Variants in ANXA8 observed in about 807,000 individuals in gnomAD.
ANXA8 encodes VAC-beta.
A neutral mutation model predicts 26.8 loss-of-function variants in ANXA8; 9 were observed. The observed-to-expected ratio is 0.34, with a 90% CI of 0.20 to 0.59. The LOEUF (loss-of-function observed/expected upper bound fraction) is 0.59. ANXA8 is among the 20% of genes least tolerant of loss of function. ANXA8 has a pLI of 0.84. For synonymous variants in ANXA8, 39 were observed against 94.8 expected (o/e 0.41, Z 3.42); for missense variants, 83 against 238.5 (o/e 0.35, Z 4.29).
the ANXA8 span, among the ~76,000 whole-genome samples, chr10:47,533,218 CA>C: frequency 5.3e-5 from 6 of 112,246 alleles, no homozygotes; most frequent in African/African-American, 1.9e-4. Context: ...CACACACACA[CA>C]CACACCCCCG....
chr10:47,701,390 C>T, the ANXA8 span, among the ~76,000 whole-genome samples: 18 of 151,862 alleles, frequency 1.2e-4, no homozygotes, highest in Non-Finnish European at 2.4e-4. Context: ...AGCTACATCT[C>T]CAACAATATG....
chr10:47,484,210 G>C, upstream of ANXA8: 1 of 742,302 alleles, frequency 1.3e-6, no homozygotes, highest in South Asian at 1.5e-5. Context: ...GCAGATATTT[G>C]GGCTGTGGCT....
the ANXA8 span, among the ~76,000 whole-genome samples, chr10:47,603,219 C>G: frequency 6.8e-6 from 1 of 147,080 alleles, no homozygotes; most frequent in Non-Finnish European, 1.5e-5. Flanking sequence ...TATAACATGT[C>G]AAATGGCAAT....
the ANXA8 span, among the ~76,000 whole-genome samples, chr10:47,632,013 G>C: frequency 6.6e-6 from 1 of 152,192 alleles, no homozygotes; most frequent in East Asian, 1.9e-4. Flanking sequence ...TTAAAGATTA[G>C]GTTGATAAAT....
At chr10:47,553,723 C>A in the ANXA8 span, among the ~76,000 whole-genome samples, 1 of 150,792 alleles carries the variant, frequency 6.6e-6, no homozygotes, top group African/African-American at 2.4e-5. Flanking sequence ...CCCTCGGAAT[C>A]CGCTGCCTCA....
chr10:47,743,367 T>C, the ANXA8 span, among the ~76,000 whole-genome samples: 16,607 of 54,830 alleles, frequency 0.3, 2,811 homozygotes, highest in East Asian at 0.66. Context: ...CATATATATA[T>C]ATACATATAT....
the ANXA8 span, among the ~76,000 whole-genome samples, chr10:47,943,456 G>C: frequency 6.8e-6 from 1 of 146,490 alleles, no homozygotes; most frequent in East Asian, 2.1e-4. Context: ...CAGAACAAAA[G>C]AAGGGCACCC....
At chr10:47,743,327 T>C in the ANXA8 span, among the ~76,000 whole-genome samples, 3,039 of 38,868 alleles carry the variant, frequency 0.078, 276 homozygotes, top group South Asian at 0.12. Flanking sequence ...TATATATATA[T>C]ACATATATAT....
chr10:47,543,999 T>C, the ANXA8 span, among the ~76,000 whole-genome samples: 4 of 148,598 alleles, frequency 2.7e-5, no homozygotes, highest in Non-Finnish European at 5.9e-5. Context: ...GCTTGGATTC[T>C]GGCAGGTGGA....
chr10:47,661,950 CT>C, the ANXA8 span, among the ~76,000 whole-genome samples: 42 of 148,986 alleles, frequency 2.8e-4, no homozygotes, highest in African/African-American at 1.0e-3. Flanking sequence ...TTTCTTTTTT[CT>C]TTTTTTTCTA....
chr10:47,521,507 G>A, the ANXA8 span, among the ~76,000 whole-genome samples: 2 of 140,260 alleles, frequency 1.4e-5, no homozygotes, highest in East Asian at 5.6e-4. Context: ...AGTTTAAATA[G>A]AAGAGCTATA....
chr10:47,598,912 AATGATTTCC>A, the ANXA8 span, among the ~76,000 whole-genome samples: 79,907 of 136,070 alleles, frequency 0.59, 20,760 homozygotes, highest in Non-Finnish European at 0.7. Flanking sequence ...AATCAAATAA[AATGATTTCC>A]ATGAATAAAA....
At chr10:47,686,128 G>A in the ANXA8 span, among the ~76,000 whole-genome samples, 1 of 151,544 alleles carries the variant, frequency 6.6e-6, no homozygotes, top group Non-Finnish European at 1.5e-5. Context: ...TACGAAAAAT[G>A]CAGATAATGG....
the ANXA8 span, among the ~76,000 whole-genome samples, chr10:47,583,720 ACCCTGCTTTT>A: frequency 6.8e-6 from 1 of 146,902 alleles, no homozygotes; most frequent in Non-Finnish European, 1.5e-5. Context: ...TTTCAGCTTA[ACCCTGCTTTT>A]CCCTTAGGCC....
At chr10:47,485,723 TG>T (rs1840027656), upstream of ANXA8, among the ~76,000 whole-genome samples, 1 of 152,014 alleles carries the variant, frequency 6.6e-6, no homozygotes, top group South Asian at 2.1e-4. Context: ...TTAACCTCTA[TG>T]ATACTGACTT....
chr10:47,490,030 G>A, the ANXA8 span, among the ~76,000 whole-genome samples: 4 of 150,070 alleles, frequency 2.7e-5, no homozygotes, highest in Non-Finnish European at 4.4e-5. Flanking sequence ...GAATGGCAAT[G>A]AGCAGGCAGT....
chr10:47,681,992 C>G, the ANXA8 span, among the ~76,000 whole-genome samples: 3 of 148,192 alleles, frequency 2.0e-5, 1 homozygote, highest in Middle Eastern at 3.2e-3. Flanking sequence ...ATCCAAAAAA[C>G]TCTTATCCCA....
the ANXA8 span, among the ~76,000 whole-genome samples, chr10:47,671,557 G>C: frequency 6.6e-6 from 1 of 151,916 alleles, no homozygotes; most frequent in Non-Finnish European, 1.5e-5. Flanking sequence ...GGTACCAGAT[G>C]TGTTCTAAGT....
chr10:47,590,292 A>G, the ANXA8 span: 1 of 146,228 alleles, frequency 6.8e-6, no homozygotes, highest in Non-Finnish European at 1.5e-5. Flanking sequence ...TCATTGACTC[A>G]AGGAGCATCA....
Sources: allele counts gnomAD v4.1 joint callset (sites outside exome capture counted in the v4.1 genomes callset), GRCh38; gene constraint gnomAD v4.1.1; transcripts MANE v1.5; gene names NCBI Gene and HGNC (gene_info 2026-07-23, HGNC 2026-07-21).